Variants in LOXL2 observed in about 807,000 individuals in gnomAD.
LOXL2 encodes lysyl oxidase homolog 2.
In LOXL2, 70 loss-of-function variants were observed where a neutral mutation model predicts 93.0. That is an observed-to-expected ratio of 0.75 (90% CI 0.62 to 0.92). The LOEUF (loss-of-function observed/expected upper bound fraction) is 0.92, where lower values mean the gene tolerates loss of function less well. Ranked by LOEUF, LOXL2 falls within the 40% of genes least tolerant of loss-of-function variation. The pLI, the probability that LOXL2 is intolerant of heterozygous loss-of-function variation, is 0.00. For missense variants in LOXL2, 973 were observed against 1,054.9 expected (o/e 0.92, Z 1.08); for synonymous variants, 438 against 413.2 (o/e 1.06, Z -0.73).
Position 23,302,169 on chromosome 8 carries a change from G to A in LOXL2, c.1997-6C>T. The A allele has an allele frequency of 6.2e-7, 1 of 1,614,052 alleles. No homozygotes were observed. The highest frequency in any genetic ancestry group is 8.5e-7 in the Non-Finnish European group (1 of 1,179,980). The stretch of plus-strand genomic sequence containing the variant: ...CTCGTAATTCTTCTGGATGTCTGCG[G>A]GCAGGGTAGAGGAGAGCTCATCACC... On this transcript the variant is annotated splice_region_variant and splice_polypyrimidine_tract_variant and intron_variant, in intron 11 of 13. Transcript: ENST00000389131.
chr8:23,317,970 T>C (rs1441380910), intron 8 of LOXL2, among the ~76,000 whole-genome samples: 2 of 138,592 alleles, frequency 1.4e-5, no homozygotes, highest in Non-Finnish European at 3.3e-5. Context: ...TAGTATCTCA[T>C]CTAAACTCTC....
At position 23,359,760 on chromosome 8, in the gene LOXL2, C is replaced by T. The variant is rs146824688; in HGVS notation, c.531+330G>A. The stretch of plus-strand genomic sequence containing the variant: ...AAGGGCAAGCTCCTGAGCATGGCAC[C>T]GGAGGTGTTTCATGCCCATCTTTCC... On this transcript the variant is annotated intron_variant, in intron 3 of 13. Transcript: ENST00000389131. Among the ~76,000 whole-genome samples the T allele has an allele frequency of 9.6e-3, 1,458 of 152,310 alleles. 33 individuals carry two copies. Among genetic ancestry groups the T allele is most frequent in the African/African-American group, 0.033 (1,392 of 41,558 alleles).
At chr8:23,397,281 G>A (rs868761763) in intron 1 of LOXL2, among the ~76,000 whole-genome samples, 4 of 152,148 alleles carry the variant, frequency 2.6e-5, no homozygotes, top group Non-Finnish European at 4.4e-5. Context: ...ATGGCTGATG[G>A]TGATGGTAGC....
intron 1 of LOXL2, among the ~76,000 whole-genome samples, chr8:23,378,550 C>T (rs994651692): frequency 3.9e-5 from 6 of 152,180 alleles, no homozygotes; most frequent in South Asian, 2.1e-4. Context: ...AACTTGGTTC[C>T]ATTCTCCCCG....
At chr8:23,338,231 G>A (rs1203328632) in intron 4 of LOXL2, among the ~76,000 whole-genome samples, 1 of 152,236 alleles carries the variant, frequency 6.6e-6, no homozygotes, top group African/African-American at 2.4e-5. Flanking sequence ...CCCACGACAT[G>A]TGGGGTTATG....
At chr8:23,376,761 T>C (rs1485842814) in intron 1 of LOXL2, among the ~76,000 whole-genome samples, 1 of 152,244 alleles carries the variant, frequency 6.6e-6, no homozygotes, top group Non-Finnish European at 1.5e-5. Flanking sequence ...TGGTTGTTTG[T>C]ATTTCTGTGG....
intron 10 of LOXL2, among the ~76,000 whole-genome samples, chr8:23,306,293 T>G (rs749099761): frequency 3.9e-5 from 6 of 152,214 alleles, no homozygotes; most frequent in Non-Finnish European, 7.3e-5. Context: ...GCAGAGGAGA[T>G]GCTTGCACTC....
intron 1 of LOXL2, among the ~76,000 whole-genome samples, chr8:23,387,643 A>G (rs565712121): frequency 1.3e-5 from 2 of 152,352 alleles, no homozygotes; most frequent in African/African-American, 4.8e-5. Flanking sequence ...AATGGAAACA[A>G]TATGTACTTA....
chr8:23,341,304 C>T (rs1803879627), intron 3 of LOXL2, 101 bp from the exon 4 acceptor site: 2 of 969,972 alleles, frequency 2.1e-6, no homozygotes, highest in African/African-American at 1.6e-5. Context: ...GCCAGGCCTG[C>T]CGCGGGCCTG....
At chr8:23,375,518 T>A (rs1010477591) in intron 1 of LOXL2, among the ~76,000 whole-genome samples, 3 of 152,218 alleles carry the variant, frequency 2.0e-5, no homozygotes, top group African/African-American at 7.2e-5. Context: ...TGGCATTGAA[T>A]CTATAAATTA....
chr8:23,333,167 G>A (rs1387416055), intron 5 of LOXL2, among the ~76,000 whole-genome samples: 2 of 152,178 alleles, frequency 1.3e-5, no homozygotes, highest in Non-Finnish European at 2.9e-5. Context: ...GTCTGCTCCT[G>A]CTGGGTAAGC....
At position 23,298,068 on chromosome 8, in the gene LOXL2, A is replaced by C; in HGVS notation, c.2300T>G (p.Leu767Ter). ...TTACTGCGGGGACAGCTGGTTGTTT[A>C]AGAGCCCGCTGAAGTGCTCAAACTT... is the stretch of plus-strand genomic sequence containing the variant. ...EKKFEHFSGLLNNQLSPQ is the reference protein window; with the variant it reads ...EKKFEHFSGL Residue 767 changes from leucine (L) to a stop codon, truncating the protein, a stop_gained, in exon 14 of 14, where the codon TTA (leucine) becomes TGA (stop). Coordinates refer to ENST00000389131, the MANE Select transcript of LOXL2 (RefSeq NM_002318.3). LOFTEE classifies it high-confidence loss of function. 1 of 1,613,900 alleles carries C rather than the reference A, an allele frequency of 6.2e-7. No individual in the cohort carries two copies.
chr8:23,371,751 CAAAAAAAAAAA>C (rs55780832), intron 1 of LOXL2, among the ~76,000 whole-genome samples: 4 of 43,898 alleles, frequency 9.1e-5, no homozygotes, highest in African/African-American at 1.1e-4. Context: ...GAGTCTGTCT[CAAAAAAAAAAA>C]AAAAAAAAAA....
At chr8:23,336,937 C>A (rs924486172) in intron 4 of LOXL2, 1 of 152,124 alleles carries the variant, frequency 6.6e-6, no homozygotes, top group Non-Finnish European at 1.5e-5. Context: ...CTTGAGGGTA[C>A]CCAGCCTTTC....
intron 1 of LOXL2, among the ~76,000 whole-genome samples, chr8:23,398,521 GCATCTGCTGAGTTAGTTCTTGTTCT>G (rs1800122155): frequency 6.6e-6 from 1 of 152,196 alleles, no homozygotes; most frequent in African/African-American, 2.4e-5. Context: ...CACAACCTCA[GCATCTGCTGAGTTAGTTCTTGTTCT>G]CATCTGCCAC....
chr8:23,362,987 T>G (rs902366657), intron 2 of LOXL2: 1 of 152,108 alleles, frequency 6.6e-6, no homozygotes, highest in African/African-American at 2.4e-5. Context: ...TGTGATGTGG[T>G]CGACTACCTC....
chr8:23,374,524 C>A (rs1172436213), intron 1 of LOXL2, among the ~76,000 whole-genome samples: 1 of 152,210 alleles, frequency 6.6e-6, no homozygotes, highest in Non-Finnish European at 1.5e-5. Flanking sequence ...GGAATCGCCA[C>A]ACTGTCTTCC....
chr8:23,368,713 G>A (rs907324126), intron 1 of LOXL2, among the ~76,000 whole-genome samples: 3 of 152,124 alleles, frequency 2.0e-5, no homozygotes, highest in Admixed American at 2.0e-4. Flanking sequence ...TAAGACTACG[G>A]ACATGCCGGC....
chr8:23,297,728 T>TC lies in LOXL2; in HGVS notation c.*314_*315insG. On this transcript the variant is annotated 3_prime_UTR_variant, in exon 14 of 14. Coordinates refer to ENST00000389131, the MANE Select transcript of LOXL2 (RefSeq NM_002318.3). ...TCTGTGGTGAGCTCGGTGGCTTGAA[T>TC]GGGACAAGCTGATGACAACCTGTCT... 1 of 256,384 alleles carries TC rather than the reference T, an allele frequency of 3.9e-6. No individual in the cohort carries two copies. Among genetic ancestry groups the TC allele is most frequent in the South Asian group, 9.4e-5 (1 of 10,662 alleles). 15.9% of individuals were successfully genotyped at this position (256,384 alleles called of 1,614,324 possible).
Sources: allele counts gnomAD v4.1 joint callset (sites outside exome capture counted in the v4.1 genomes callset), GRCh38; gene constraint gnomAD v4.1.1; transcripts MANE v1.5; gene names NCBI Gene and HGNC (gene_info 2026-07-23, HGNC 2026-07-21).